Variants in CHLSN observed in about 807,000 individuals in gnomAD.
CHLSN encodes cholesin.
At chr7:1,038,286 G>C in the CHLSN span, among the ~76,000 whole-genome samples, 4 of 90,350 alleles carry the variant, frequency 4.4e-5, no homozygotes, top group Admixed American at 1.0e-4. Flanking sequence ...GGCCAGCCAT[G>C]CCGTCCGGGA....
chr7:1,086,443 G>A, the CHLSN span, among the ~76,000 whole-genome samples: 1 of 152,150 alleles, frequency 6.6e-6, no homozygotes, highest in Non-Finnish European at 1.5e-5. Context: ...ACATATTAGA[G>A]TTGTCAACTT....
the CHLSN span, among the ~76,000 whole-genome samples, chr7:1,012,717 C>T: frequency 6.6e-6 from 1 of 152,204 alleles, no homozygotes; most frequent in African/African-American, 2.4e-5. Flanking sequence ...TGGGCCTCAA[C>T]AGAAGACGCA....
At chr7:1,134,797 A>G in the CHLSN span, among the ~76,000 whole-genome samples, 11 of 151,544 alleles carry the variant, frequency 7.3e-5, no homozygotes, top group African/African-American at 2.7e-4. Context: ...GAATGATGTG[A>G]ACCTGGGAGG....
At chr7:1,047,752 C>T in the CHLSN span, among the ~76,000 whole-genome samples, 4 of 152,202 alleles carry the variant, frequency 2.6e-5, no homozygotes, top group Non-Finnish European at 5.9e-5. Flanking sequence ...GTTCTCTTTC[C>T]ACTCAAATCT....
the CHLSN span, among the ~76,000 whole-genome samples, chr7:1,072,535 GACACAGAGCT>G: frequency 1.3e-5 from 2 of 152,328 alleles, no homozygotes; most frequent in East Asian, 3.9e-4. Context: ...TTGCATCTGA[GACACAGAGCT>G]TTCCAAAACG....
the CHLSN span, among the ~76,000 whole-genome samples, chr7:1,071,933 G>C: frequency 6.6e-6 from 1 of 152,250 alleles, no homozygotes; most frequent in Non-Finnish European, 1.5e-5. Flanking sequence ...CCGCAGCACA[G>C]GCTCTGCACC....
At chr7:1,053,972 G>A in the CHLSN span, among the ~76,000 whole-genome samples, 1 of 152,236 alleles carries the variant, frequency 6.6e-6, no homozygotes, top group African/African-American at 2.4e-5. Context: ...AGCCAGAGAG[G>A]AGGCGGGTCA....
chr7:987,159 T>C, the CHLSN span: 6 of 1,577,020 alleles, frequency 3.8e-6, no homozygotes, highest in Non-Finnish European at 5.2e-6. Context: ...GCCTGCACCC[T>C]GGACATGGTC....
At chr7:1,054,572 G>C in the CHLSN span, among the ~76,000 whole-genome samples, 1 of 152,196 alleles carries the variant, frequency 6.6e-6, no homozygotes, top group Non-Finnish European at 1.5e-5. Context: ...CCCAAGAATC[G>C]AGCCATTCTT....
chr7:1,021,645 C>T, the CHLSN span: 1 of 908,252 alleles, frequency 1.1e-6, no homozygotes, highest in Non-Finnish European at 1.3e-6. Context: ...GGCTTTGCTG[C>T]CACCGCAGTG....
chr7:981,197 G>A, the CHLSN span, among the ~76,000 whole-genome samples: 4 of 151,690 alleles, frequency 2.6e-5, no homozygotes, highest in African/African-American at 9.7e-5. Context: ...CCGGGAGGCT[G>A]AGGCAGGAGG....
the CHLSN span, chr7:1,028,932 C>G: frequency 1.7e-6 from 1 of 599,740 alleles, no homozygotes; most frequent in South Asian, 7.4e-5. Flanking sequence ...GCCCCCATCT[C>G]CCCTGCCCAG....
chr7:1,096,050 A>G, the CHLSN span, among the ~76,000 whole-genome samples: 6 of 152,122 alleles, frequency 3.9e-5, no homozygotes, highest in East Asian at 1.2e-3. This position sits in a 1 kb window ranked among gnomAD's most constrained non-coding sequence, Gnocchi z 4.6. Context: ...TCATTCCTCC[A>G]CGTCAACCCA....
At chr7:1,022,527 G>A in the CHLSN span, among the ~76,000 whole-genome samples, 3 of 152,106 alleles carry the variant, frequency 2.0e-5, no homozygotes, top group African/African-American at 4.8e-5. Context: ...GGTGACGGCC[G>A]TCGTGAGGGA....
At chr7:1,064,262 A>T in the CHLSN span, among the ~76,000 whole-genome samples, 7 of 152,118 alleles carry the variant, frequency 4.6e-5, no homozygotes, top group African/African-American at 1.7e-4. Context: ...ATGGGCTGTG[A>T]CGTGAAGATG....
chr7:980,995 C>G, the CHLSN span, among the ~76,000 whole-genome samples: 3 of 151,988 alleles, frequency 2.0e-5, no homozygotes, highest in East Asian at 5.8e-4. Context: ...GCCTGGCCAA[C>G]GAGTTACTTT....
At chr7:1,118,918 G>A in the CHLSN span, among the ~76,000 whole-genome samples, 1 of 151,390 alleles carries the variant, frequency 6.6e-6, no homozygotes. Flanking sequence ...ATAAATTACG[G>A]TATAACAAGA....
chr7:1,029,636 C>T, the CHLSN span, among the ~76,000 whole-genome samples: 1 of 152,172 alleles, frequency 6.6e-6, no homozygotes, highest in Non-Finnish European at 1.5e-5. Flanking sequence ...GGAGGCTGGG[C>T]CGGTTCCAGG....
the CHLSN span, among the ~76,000 whole-genome samples, chr7:982,486 G>T: frequency 4.2e-3 from 634 of 152,358 alleles, 4 homozygotes; most frequent in African/African-American, 0.014. Context: ...GATGGACAGG[G>T]CTCGTAAACC....
Sources: gnomAD v4.1 joint callset for allele counts (sites outside exome capture counted in the v4.1 genomes callset) on GRCh38, gnomAD v4.1.1 for gene constraint, Gnocchi (gnomAD v3.1) non-coding constraint, MANE v1.5 for transcripts, NCBI Gene and HGNC (gene_info 2026-07-23, HGNC 2026-07-21) for gene names.